Variants in OPCML observed in about 807,000 individuals in gnomAD.
The protein encoded by OPCML is opioid-binding protein/cell adhesion molecule.
In OPCML, 13 loss-of-function variants were observed where a neutral mutation model predicts 37.8. The observed-to-expected ratio is 0.34, with a 90% CI of 0.22 to 0.55. The LOEUF (loss-of-function observed/expected upper bound fraction) is 0.55. OPCML is among the 20% of genes least tolerant of loss of function. The pLI is 0.91. For missense variants in OPCML, 341 were observed against 435.6 expected (o/e 0.78, Z 1.93); for synonymous variants, 176 against 168.8 (o/e 1.04, Z -0.33).
chr11:132,545,443 C>T (rs764267356), intron 3 of OPCML, among the ~76,000 whole-genome samples: 5 of 152,216 alleles, frequency 3.3e-5, no homozygotes, highest in African/African-American at 7.2e-5. Flanking sequence ...AGGTACTCAG[C>T]CTTCCCCACA....
intron 1 of OPCML, among the ~76,000 whole-genome samples, chr11:133,158,708 T>TAAAAAAAAAAAAA (rs1387266864): frequency 1.3e-4 from 14 of 108,960 alleles, no homozygotes; most frequent in African/African-American, 3.3e-4. Context: ...AAAAATAAAA[T>TAAAAAAAAAAAAA]TAAAAAAATA....
rs370539616 is a variant in OPCML at position 133,043,243 on chromosome 11, T to C, written c.62-100233A>G. Among the ~76,000 whole-genome samples the C allele has an allele frequency of 3.3e-5, 5 of 152,174 alleles. No homozygotes were observed. The East Asian group carries it at 7.7e-4, about 23-fold the overall frequency. ...TTGTGGGTCCAGGTGCAGTTTTCTCTTCTGGCTGTTCAAAAAAATCCTATT... is the reference window on the plus strand; with the variant it reads ...TTGTGGGTCCAGGTGCAGTTTTCTCCTCTGGCTGTTCAAAAAAATCCTATT... On this transcript the variant is annotated intron_variant, in intron 1 of 7. Transcript: ENST00000524381.
At chr11:133,003,911 G>A (rs1474170052) in intron 1 of OPCML, 4 of 985,308 alleles carry the variant, frequency 4.1e-6, no homozygotes, top group East Asian at 1.1e-4. Context: ...GCCAATCCCG[G>A]TGGGGCTTCT....
chr11:132,776,767 G>A (rs1375497472), intron 2 of OPCML, among the ~76,000 whole-genome samples: 2 of 151,974 alleles, frequency 1.3e-5, no homozygotes, highest in Non-Finnish European at 2.9e-5. Flanking sequence ...CCTTTACAGA[G>A]ACACAAGAAT....
intron 1 of OPCML, among the ~76,000 whole-genome samples, chr11:133,108,081 T>C (rs1056776626): frequency 6.6e-6 from 1 of 152,178 alleles, no homozygotes; most frequent in Admixed American, 6.5e-5. Context: ...ATTATTCTTG[T>C]TTATGGCAGG....
At chr11:133,167,826 T>C (rs888897453) in intron 1 of OPCML, among the ~76,000 whole-genome samples, 6 of 152,274 alleles carry the variant, frequency 3.9e-5, no homozygotes, top group African/African-American at 1.4e-4. Flanking sequence ...TCTCAATCTA[T>C]ACCACCCACC....
intron 1 of OPCML, among the ~76,000 whole-genome samples, chr11:132,989,912 T>C (rs942810329): frequency 1.2e-4 from 18 of 152,180 alleles, no homozygotes; most frequent in African/African-American, 4.3e-4. Flanking sequence ...ATACATTTAT[T>C]TTATCACCCT....
chr11:133,218,031 G>A (rs1384997173), intron 1 of OPCML, among the ~76,000 whole-genome samples: 1 of 138,860 alleles, frequency 7.2e-6, no homozygotes, highest in Non-Finnish European at 1.5e-5. Flanking sequence ...GAACAACAGA[G>A]ACATACCCTG....
intron 2 of OPCML, chr11:132,771,612 C>T (rs1946636761): frequency 6.6e-6 from 1 of 152,224 alleles, no homozygotes; most frequent in Non-Finnish European, 1.5e-5. Flanking sequence ...GCACGGTTCA[C>T]ACACACAGCT....
intron 3 of OPCML, among the ~76,000 whole-genome samples, chr11:132,601,581 A>C (rs1483158423): frequency 6.6e-6 from 1 of 152,162 alleles, no homozygotes; most frequent in Non-Finnish European, 1.5e-5. Context: ...ATATCTGGTG[A>C]AATGAAATCT....
In OPCML at chr11:133,158,706, A is replaced by G. The variant is rs188815006; in HGVS notation, c.62-215696T>C. Among the ~76,000 whole-genome samples the G allele has an allele frequency of 8.8e-3, 1,224 of 138,848 alleles. 9 individuals are homozygous for G. Among genetic ancestry groups the G allele is most frequent in the African/African-American group, 0.033 (1,165 of 34,856 alleles). 91.1% of individuals were successfully genotyped at this position (138,848 alleles called of 152,430 possible). A position where few individuals can be genotyped will look rare whatever the true frequency, so the allele number is the denominator to read the frequency against. On this transcript the variant is annotated intron_variant, in intron 1 of 7. Coordinates refer to ENST00000524381, the MANE Select transcript of OPCML (RefSeq NM_001012393.5). Reference sequence around the variant, plus strand: ...AGAGTGAGACTCTGTCTAAAAATAAAATTAAAAAAATAAAATAAAATAAAA... The same window carrying G: ...AGAGTGAGACTCTGTCTAAAAATAAGATTAAAAAAATAAAATAAAATAAAA...
rs189754415 is a variant in OPCML, at chr11:133,234,456, G to C, written c.62-291446C>G. On this transcript the variant is annotated intron_variant, in intron 1 of 7. Transcript: ENST00000524381. ...ATGATTCATTACAAACATGGAAAGGGAAGCAGGTCATCCAGTGGAAAGCAA... is the reference window on the plus strand; with the variant it reads ...ATGATTCATTACAAACATGGAAAGGCAAGCAGGTCATCCAGTGGAAAGCAA... Among the ~76,000 whole-genome samples the C allele has an allele frequency of 1.8e-3, 277 of 152,362 alleles. 3 individuals are homozygous for C. The highest frequency in any genetic ancestry group is 6.2e-3 in the African/African-American group (257 of 41,592).
intron 1 of OPCML, among the ~76,000 whole-genome samples, chr11:133,446,442 A>G (rs1946475500): frequency 6.6e-6 from 1 of 152,094 alleles, no homozygotes; most frequent in African/African-American, 2.4e-5. Context: ...TATTCTTTTT[A>G]GAGTCAGGGT....
At chr11:133,461,885 A>C (rs529538511) in intron 1 of OPCML, among the ~76,000 whole-genome samples, 1 of 151,938 alleles carries the variant, frequency 6.6e-6, no homozygotes, top group Non-Finnish European at 1.5e-5. Context: ...AAAACTTACT[A>C]TAAAGCTTTG....
intron 1 of OPCML, among the ~76,000 whole-genome samples, chr11:133,313,395 G>A (rs1943113355): frequency 6.6e-6 from 1 of 152,218 alleles, no homozygotes; most frequent in African/African-American, 2.4e-5. Flanking sequence ...GTCTTACATA[G>A]TTTTGGTAGA....
At chr11:133,102,833 T>C (rs1277027350) in intron 1 of OPCML, among the ~76,000 whole-genome samples, 2 of 152,196 alleles carry the variant, frequency 1.3e-5, no homozygotes, top group African/African-American at 4.8e-5. Context: ...TTCAAAATTG[T>C]ATGTCTGTGT....
chr11:133,245,294 T>C (rs533910711), intron 1 of OPCML, among the ~76,000 whole-genome samples: 1 of 152,330 alleles, frequency 6.6e-6, no homozygotes, highest in African/African-American at 2.4e-5. Flanking sequence ...GAGAATTCAG[T>C]TCTGTAAGGA....
rs569804979 is a variant in OPCML, at chr11:132,943,984, C to T, written c.62-974G>A. On this transcript the variant is annotated intron_variant, in intron 1 of 7. Coordinates refer to ENST00000524381, the MANE Select transcript of OPCML (RefSeq NM_001012393.5). This position sits in a 1 kb window ranked among gnomAD's most constrained non-coding sequence, Gnocchi z 4.3. ...CCTGACCGCCACTTTCTCCCGGTGC[C>T]GCCTCGGAGCGAGCGGGCTGGCGGG... Among the ~76,000 whole-genome samples, 1 of 151,822 alleles carries T rather than the reference C, an allele frequency of 6.6e-6. No individual in the cohort carries two copies. Among genetic ancestry groups the T allele is most frequent in the Admixed American group, 6.6e-5 (1 of 15,260 alleles).
At position 133,012,731 on chromosome 11, in the gene OPCML, C is replaced by T. The variant is rs1034146678; in HGVS notation, c.62-69721G>A. Among the ~76,000 whole-genome samples, 11 of 152,074 alleles carry T rather than the reference C, an allele frequency of 7.2e-5. 1 individual carries two copies. Among genetic ancestry groups the T allele is most frequent in the East Asian group, 1.9e-4 (1 of 5,150 alleles). ...TCTCTACTAAAAATACAAAATTAGA[C>T]GGGCATGGTGGCACATGCCTGTAAT... On this transcript the variant is annotated intron_variant, in intron 1 of 7. Coordinates refer to ENST00000524381, the MANE Select transcript of OPCML (RefSeq NM_001012393.5).
Sources: allele counts gnomAD v4.1 joint callset (sites outside exome capture counted in the v4.1 genomes callset), GRCh38; gene constraint gnomAD v4.1.1; non-coding constraint Gnocchi (gnomAD v3.1); transcripts MANE v1.5; gene names NCBI Gene and HGNC (gene_info 2026-07-23, HGNC 2026-07-21).